LDLRAD4: variants seen among roughly 807,000 people sequenced by gnomAD.
The protein encoded by LDLRAD4 is low density lipoprotein receptor class A domain containing 4.
Under a neutral mutation model 17.0 loss-of-function variants are expected in LDLRAD4, and 5 were observed. The ratio of observed to expected loss-of-function variants is 0.29; its 90% CI spans 0.15 to 0.62. LDLRAD4 has a LOEUF of 0.62. LDLRAD4 is among the 20% of genes least tolerant of loss of function. The pLI is 0.84. For synonymous variants in LDLRAD4, 168 were observed against 171.8 expected, an observed-to-expected ratio of 0.98 and a Z score of 0.17; for missense variants, 340 against 424.7, an observed-to-expected ratio of 0.80 and a Z score of 1.75.
intron 3 of LDLRAD4, chr18:13,611,406 AC>A: frequency 1.0e-6 from 1 of 969,618 alleles, no homozygotes; most frequent in Non-Finnish European, 1.2e-6. Flanking sequence ...CACCACGGCC[AC>A]CCCGTGATTT....
intron 1 of LDLRAD4, among the ~76,000 whole-genome samples, chr18:13,288,042 C>CT (rs1246003327): frequency 2.6e-5 from 4 of 152,210 alleles, no homozygotes; most frequent in Admixed American, 1.3e-4. Flanking sequence ...AAAGTGATCA[C>CT]TCTATTCCGT....
chr18:13,589,886 C>T (rs1157223150), intron 3 of LDLRAD4, among the ~76,000 whole-genome samples: 2 of 152,018 alleles, frequency 1.3e-5, no homozygotes, highest in East Asian at 1.9e-4. Context: ...GTCTCTGATC[C>T]GGGGGTGCTG....
chr18:13,373,255 C>T lies in LDLRAD4; in HGVS notation c.-382-14086C>T, dbSNP rs150133937. Among the ~76,000 whole-genome samples the T allele has an allele frequency of 1.7e-4, 26 of 152,140 alleles. 1 individual carries two copies. In the East Asian group the frequency reaches 2.1e-3, roughly 12 times the overall value. ...GCAGTTGTAGCGCTCTGGCTTTATA[C>T]GCTTTGAGAACCTAAAAAGCAACTG... On this transcript the variant is annotated intron_variant, in intron 1 of 5. Coordinates refer to ENST00000359446, the Ensembl canonical transcript of LDLRAD4.
At chr18:13,605,613 A>G (rs761378183) in intron 3 of LDLRAD4, among the ~76,000 whole-genome samples, 13 of 152,200 alleles carry the variant, frequency 8.5e-5, no homozygotes, top group Admixed American at 3.9e-4. Flanking sequence ...AGGTGCAGGT[A>G]GATCAATCAT....
intron 3 of LDLRAD4, among the ~76,000 whole-genome samples, chr18:13,495,290 G>A (rs1180848669): frequency 2.0e-5 from 3 of 152,148 alleles, no homozygotes; most frequent in Non-Finnish European, 4.4e-5. Flanking sequence ...AGGCGAATAC[G>A]GTGCGGGGAG....
At chr18:13,276,347 T>C (rs2044867034), upstream of LDLRAD4, among the ~76,000 whole-genome samples, 3 of 152,236 alleles carry the variant, frequency 2.0e-5, no homozygotes, top group African/African-American at 4.8e-5. Context: ...TGTTGCTGTG[T>C]AACAAATTAT....
chr18:13,457,497 C>T (rs1194409146), intron 3 of LDLRAD4, among the ~76,000 whole-genome samples: 3 of 152,136 alleles, frequency 2.0e-5, no homozygotes, highest in East Asian at 1.9e-4. Context: ...TGAGGAGGAT[C>T]GTATGAGCAA....
At chr18:13,632,777 G>C (rs1194726899) in intron 4 of LDLRAD4, among the ~76,000 whole-genome samples, 2 of 152,246 alleles carry the variant, frequency 1.3e-5, no homozygotes, top group South Asian at 2.1e-4. Flanking sequence ...ATGGACAACT[G>C]GTGGGTGAGA....
At position 13,308,384 on chromosome 18, in the gene LDLRAD4, AT is replaced by A. The variant is rs141864500; in HGVS notation, c.-383+30199del. Among the ~76,000 whole-genome samples the A allele has an allele frequency of 5.7e-3, 866 of 152,308 alleles. 4 individuals carry two copies. Among genetic ancestry groups the A allele is most frequent in the Non-Finnish European group, 9.4e-3 (642 of 68,034 alleles). ...TGAATAATATATTTTATTTCTCTTA[AT>A]TTCAATTCTCAAACATGCACGTGTA... On this transcript the variant is annotated intron_variant, in intron 1 of 5. Transcript: ENST00000359446.
chr18:13,651,136 C>G (rs779791393), exon 6 of LDLRAD4: 2 of 152,192 alleles, frequency 1.3e-5, no homozygotes, highest in African/African-American at 2.4e-5. Context: ...GCTGTAGCAT[C>G]ACGAAGGTGT....
intron 1 of LDLRAD4, among the ~76,000 whole-genome samples, chr18:13,258,662 AT>A (rs2043636608): frequency 6.6e-6 from 1 of 152,198 alleles, no homozygotes; most frequent in African/African-American, 2.4e-5. Flanking sequence ...AAAAGGTTTT[AT>A]GATCTGATTG....
chr18:13,366,767 G>A (rs776413727), intron 1 of LDLRAD4, among the ~76,000 whole-genome samples: 31 of 152,126 alleles, frequency 2.0e-4, no homozygotes, highest in South Asian at 8.3e-4. Flanking sequence ...CACCCACCAC[G>A]GGCCAGTGGC....
chr18:13,282,322 C>G (rs1158090571), intron 1 of LDLRAD4, among the ~76,000 whole-genome samples: 1 of 152,158 alleles, frequency 6.6e-6, no homozygotes, highest in African/African-American at 2.4e-5. Flanking sequence ...CAGCATTAAC[C>G]CAGAAGTCCA....
chr18:13,501,929 A>T lies in LDLRAD4; in HGVS notation c.181+63545A>T, dbSNP rs62085758. Among the ~76,000 whole-genome samples the T allele has an allele frequency of 7.7e-3, 1,167 of 152,348 alleles. 9 individuals carry two copies. The highest frequency in any genetic ancestry group is 0.036 in the South Asian group (176 of 4,824). ...TGTTTGATATGTTCAACCTAAGAAA[A>T]CATCACACTTAAAATGCTTTTACTC... On this transcript the variant is annotated intron_variant, in intron 3 of 5. Coordinates refer to ENST00000359446, the Ensembl canonical transcript of LDLRAD4.
chr18:13,604,420 C>T (rs1041109432), intron 3 of LDLRAD4, among the ~76,000 whole-genome samples: 2 of 152,174 alleles, frequency 1.3e-5, no homozygotes, highest in African/African-American at 2.4e-5. Flanking sequence ...CCTATGTGTG[C>T]CATATACTGC....
At chr18:13,632,006 T>G (rs1451957752) in intron 4 of LDLRAD4, among the ~76,000 whole-genome samples, 2 of 152,214 alleles carry the variant, frequency 1.3e-5, no homozygotes, top group Non-Finnish European at 2.9e-5. Context: ...GGGGGATTTA[T>G]TCCCAGAAGG....
chr18:13,277,571 G>T (rs1004565681), upstream of LDLRAD4, among the ~76,000 whole-genome samples: 1 of 152,218 alleles, frequency 6.6e-6, no homozygotes, highest in African/African-American at 2.4e-5. Context: ...GCAGAGTCAC[G>T]AACGTTACCA....
chr18:13,220,818 C>G (rs2041410516), intron 1 of LDLRAD4, among the ~76,000 whole-genome samples: 1 of 152,176 alleles, frequency 6.6e-6, no homozygotes, highest in South Asian at 2.1e-4. Flanking sequence ...GAAGCACAGT[C>G]AGAGGAGAGT....
chr18:13,579,171 C>G (rs1332453658), intron 3 of LDLRAD4, among the ~76,000 whole-genome samples: 1 of 151,722 alleles, frequency 6.6e-6, no homozygotes, highest in African/African-American at 2.4e-5. Context: ...GCCTGGGTGG[C>G]AGAGCAAGAC....
Sources: gnomAD v4.1 joint callset for allele counts (sites outside exome capture counted in the v4.1 genomes callset) on GRCh38, gnomAD v4.1.1 for gene constraint, MANE v1.5 for transcripts, NCBI Gene and HGNC (gene_info 2026-07-23, HGNC 2026-07-21) for gene names.